The following CACNA2D1 variants were observed in gnomAD, a reference collection of about 807,000 sequenced individuals.
CACNA2D1 encodes the protein voltage-dependent calcium channel subunit alpha-2/delta-1.
In CACNA2D1, 53 loss-of-function variants were observed where a neutral mutation model predicts 171.5. The observed-to-expected ratio is 0.31, with a 90% confidence interval of 0.25 to 0.39. The LOEUF is 0.39. Among genes scored for constraint, CACNA2D1 ranks in the 10% least tolerant of loss-of-function variants. CACNA2D1 has a pLI of 1.00. For missense variants in CACNA2D1, 903 were observed against 1,299.8 expected, an observed-to-expected ratio of 0.69 and a Z score of 4.69; for synonymous variants, 442 against 443.1, an observed-to-expected ratio of 1.00 and a Z score of 0.03.
intron 1 of CACNA2D1, among the ~76,000 whole-genome samples, chr7:82,413,860 T>C (rs1449981190): frequency 1.3e-5 from 2 of 152,098 alleles, no homozygotes; most frequent in Non-Finnish European, 2.9e-5. Flanking sequence ...TAATACAGAA[T>C]GTAATATATA....
At chr7:82,307,824 A>C (rs2129430886) in intron 3 of CACNA2D1, among the ~76,000 whole-genome samples, 1 of 152,310 alleles carries the variant, frequency 6.6e-6, no homozygotes, top group South Asian at 2.1e-4. Flanking sequence ...GTTTAAATGC[A>C]AAGAGGGATA....
At position 82,032,839 on chromosome 7, in the gene CACNA2D1, C is replaced by A; in HGVS notation, c.1101G>T (p.Glu367Asp). ...IIMLFTDGGE[E>D]RAQEIFNKYN... ...ATTTGTTAAATATCTCCTGGGCTCT[C>A]TCTTCTCCTCCATCCGTGAATAGCA... Residue 367 changes from glutamate (E) to aspartate (D), a missense_variant, in exon 12 of 39, where the codon GAG (glutamate) becomes GAT (aspartate). Physicochemically the swap from Glu to Asp is conservative, Grantham distance 45. This residue lies in a region of CACNA2D1 where 623 missense variants were observed against 925.5 expected (regional missense o/e 0.67). Transcript: ENST00000356860. 1 of 1,599,216 alleles carries A rather than the reference C, an allele frequency of 6.3e-7. No homozygotes were observed. Among genetic ancestry groups the A allele is most frequent in the Non-Finnish European group, 8.6e-7 (1 of 1,167,616 alleles).
At chr7:82,380,785 G>A (rs1354815502) in intron 1 of CACNA2D1, among the ~76,000 whole-genome samples, 1 of 151,884 alleles carries the variant, frequency 6.6e-6, no homozygotes, top group Admixed American at 6.6e-5. Context: ...ACCTCCGCCT[G>A]CCAGGTTCAA....
At chr7:82,042,746 A>G (rs1446070577) in intron 10 of CACNA2D1, among the ~76,000 whole-genome samples, 1 of 151,974 alleles carries the variant, frequency 6.6e-6, no homozygotes, top group African/African-American at 2.4e-5. Context: ...TTCCCACTAT[A>G]TGTACTGTTC....
chr7:82,362,208 T>C (rs1468886751), intron 1 of CACNA2D1, among the ~76,000 whole-genome samples: 1 of 152,306 alleles, frequency 6.6e-6, no homozygotes, highest in Non-Finnish European at 1.5e-5. Flanking sequence ...ACATTCCAAA[T>C]GAATTGTTGC....
At chr7:82,057,101 T>C (rs1043083707) in intron 10 of CACNA2D1, among the ~76,000 whole-genome samples, 3 of 152,184 alleles carry the variant, frequency 2.0e-5, no homozygotes. Context: ...CATGGTGCTA[T>C]GTGCTGAAGC....
rs182502762 is a variant in CACNA2D1 at position 82,357,185 on chromosome 7, C to T, written c.96-7536G>A. ...GCCATTCAATTAATATTGTTCCTTTCAAGGTTGGATTTGTCTGTAATGTGG... is the reference window on the plus strand; with the variant it reads ...GCCATTCAATTAATATTGTTCCTTTTAAGGTTGGATTTGTCTGTAATGTGG... On this transcript the variant is annotated intron_variant, in intron 1 of 38. Transcript: ENST00000356860. 7.7e-3 allele frequency among the ~76,000 whole-genome samples: 1,165 copies of T among 152,182 alleles called. 19 individuals are homozygous for T. The highest frequency in any genetic ancestry group is 0.025 in the African/African-American group (1,058 of 41,542).
intron 3 of CACNA2D1, among the ~76,000 whole-genome samples, chr7:82,334,845 T>C (rs1817795256): frequency 6.6e-6 from 1 of 152,080 alleles, no homozygotes; most frequent in African/African-American, 2.4e-5. Context: ...TACATATGGA[T>C]TTAAACATGT....
intron 3 of CACNA2D1, among the ~76,000 whole-genome samples, chr7:82,328,140 C>T (rs955886370): frequency 3.3e-4 from 50 of 152,216 alleles, no homozygotes; most frequent in African/African-American, 1.2e-3. Flanking sequence ...TGTATCAAAT[C>T]CAAATAAATA....
chr7:81,977,359 A>G (rs1270573385), intron 24 of CACNA2D1, among the ~76,000 whole-genome samples: 6 of 152,184 alleles, frequency 3.9e-5, no homozygotes. Flanking sequence ...ACAAGGCTAC[A>G]GTAACCAAAA....
chr7:82,049,854 C>T (rs1305815386), intron 10 of CACNA2D1, among the ~76,000 whole-genome samples: 1 of 152,134 alleles, frequency 6.6e-6, no homozygotes, highest in Non-Finnish European at 1.5e-5. Context: ...TTTGATAAGA[C>T]AAGAAATTAT....
intron 28 of CACNA2D1, among the ~76,000 whole-genome samples, chr7:81,969,199 C>G (rs543244370): frequency 6.6e-6 from 1 of 151,448 alleles, no homozygotes; most frequent in South Asian, 2.1e-4. Flanking sequence ...CATTAATTAG[C>G]TTGGTTGCAT....
intron 3 of CACNA2D1, among the ~76,000 whole-genome samples, chr7:82,248,542 T>C (rs1037903339): frequency 1.3e-5 from 2 of 152,204 alleles, no homozygotes; most frequent in Non-Finnish European, 2.9e-5. Flanking sequence ...AGGCTAATAC[T>C]TTGAAGAACA....
chr7:82,131,581 T>C (rs1027337877), intron 5 of CACNA2D1, among the ~76,000 whole-genome samples: 1 of 152,190 alleles, frequency 6.6e-6, no homozygotes, highest in African/African-American at 2.4e-5. Context: ...CATTGAAACA[T>C]ACTGAGGACT....
intron 3 of CACNA2D1, among the ~76,000 whole-genome samples, chr7:82,316,037 T>A (rs1815076449): frequency 6.6e-6 from 1 of 151,988 alleles, no homozygotes; most frequent in Admixed American, 6.6e-5. Flanking sequence ...AAAAAAACCT[T>A]CAAAAATAAA....
At chr7:82,373,572 A>C (rs1407806869) in intron 1 of CACNA2D1, among the ~76,000 whole-genome samples, 3 of 152,202 alleles carry the variant, frequency 2.0e-5, no homozygotes, top group Non-Finnish European at 4.4e-5. Flanking sequence ...ACATAGCATA[A>C]GTTGTCAAGT....
intron 5 of CACNA2D1, among the ~76,000 whole-genome samples, chr7:82,131,445 T>C (rs1266062446): frequency 2.6e-5 from 4 of 152,212 alleles, no homozygotes; most frequent in African/African-American, 9.6e-5. Context: ...CCTGGCCATG[T>C]TGCTGGGTGG....
At chr7:82,164,877 T>C (rs1162791764) in intron 4 of CACNA2D1, among the ~76,000 whole-genome samples, 3 of 151,974 alleles carry the variant, frequency 2.0e-5, no homozygotes, top group South Asian at 2.1e-4. Flanking sequence ...TTAATGCAAA[T>C]AAGCAGTATA....
At chr7:82,397,096 C>A (rs1585803143) in intron 1 of CACNA2D1, among the ~76,000 whole-genome samples, 1 of 152,278 alleles carries the variant, frequency 6.6e-6, no homozygotes, top group African/African-American at 2.4e-5. Flanking sequence ...ACACCGAGTA[C>A]CAACCAAAAT....
Sources: allele counts gnomAD v4.1 joint callset (sites outside exome capture counted in the v4.1 genomes callset), GRCh38; gene constraint gnomAD v4.1.1; regional missense constraint gnomAD v4.1.1; transcripts MANE v1.5; gene names NCBI Gene and HGNC (gene_info 2026-07-23, HGNC 2026-07-21).